The following AKAP12 variants were observed in gnomAD, a reference collection of about 807,000 sequenced individuals.
AKAP12 encodes A-kinase anchoring protein 12.
A neutral mutation model predicts 79.9 loss-of-function variants in AKAP12; 32 were observed. That is an observed-to-expected ratio of 0.40 (90% confidence interval 0.30 to 0.54). The LOEUF (loss-of-function observed/expected upper bound fraction) is 0.54. Ranked by LOEUF, AKAP12 falls within the 20% of genes least tolerant of loss-of-function variation. The pLI, the probability that AKAP12 is intolerant of heterozygous loss-of-function variation, is 0.48. For synonymous variants in AKAP12, 808 were observed against 857.0 expected (o/e 0.94, Z 1.00); for missense variants, 2,074 against 2,177.0 (o/e 0.95, Z 0.94).
At chr6:151,276,218 T>TA (rs145765726) in intron 2 of AKAP12, among the ~76,000 whole-genome samples, 6 of 151,726 alleles carry the variant, frequency 4.0e-5, no homozygotes, top group Admixed American at 6.6e-5. Flanking sequence ...GAACACCCTT[T>TA]AAAAAAAAAT....
intron 3 of AKAP12, chr6:151,326,014 A>C: frequency 7.8e-7 from 1 of 1,277,270 alleles, no homozygotes; most frequent in South Asian, 1.3e-5. Flanking sequence ...CGTTATTGGC[A>C]TTTATTTCTC....
intron 2 of AKAP12, among the ~76,000 whole-genome samples, chr6:151,269,509 C>T (rs1776131149): frequency 2.0e-5 from 3 of 152,080 alleles, no homozygotes; most frequent in Admixed American, 2.0e-4. Flanking sequence ...ATCTGATTTG[C>T]CATGACACTT....
Position 151,350,418 on chromosome 6 carries a change from C to T in AKAP12, c.2027C>T (p.Ser676Leu), listed in dbSNP as rs1001690285. 6.2e-7 allele frequency: 1 copy of T among 1,613,846 alleles called. No individual in the cohort carries two copies. Among genetic ancestry groups the T allele is most frequent in the African/African-American group, 1.3e-5 (1 of 74,940 alleles). ...PEEPKRKVDT[S>L]VSWEALICVG... ...GAACCAAAGCGCAAGGTGGATACCT[C>T]AGTATCTTGGGAAGCTTTAATTTGT... Residue 676 changes from serine to leucine, a missense_variant, in exon 4 of 5, where the codon TCA becomes TTA. Physicochemically the swap from Ser to Leu is moderately radical, Grantham distance 145 (BLOSUM62 -2). Around this residue, in one of 3 missense-constraint regions of AKAP12, gnomAD observed 1,428 missense variants for 1,451.0 expected, o/e 0.98. Transcript: ENST00000402676. This position sits in a 1 kb window ranked among gnomAD's most constrained non-coding sequence, Gnocchi z 4.8.
intron 2 of AKAP12, among the ~76,000 whole-genome samples, chr6:151,302,907 G>C (rs763600998): frequency 2.9e-4 from 44 of 152,290 alleles, no homozygotes; most frequent in Admixed American, 7.2e-4. Flanking sequence ...AGAATACTCT[G>C]ACATTTGGCT....
At chr6:151,348,185 G>A (rs547550452) in intron 3 of AKAP12, among the ~76,000 whole-genome samples, 4 of 151,718 alleles carry the variant, frequency 2.6e-5, no homozygotes, top group African/African-American at 7.3e-5. Context: ...AAATTAGCTG[G>A]GCATGGTGAC....
chr6:151,274,789 G>A (rs1438678959), intron 2 of AKAP12, among the ~76,000 whole-genome samples: 1 of 152,122 alleles, frequency 6.6e-6, no homozygotes, highest in Non-Finnish European at 1.5e-5. Flanking sequence ...AGAAACAGTA[G>A]TATAAAAATG....
chr6:151,345,930 T>A (rs868787617), intron 3 of AKAP12, among the ~76,000 whole-genome samples: 5,061 of 108,196 alleles, frequency 0.047, 102 homozygotes, highest in Non-Finnish European at 0.059. Flanking sequence ...TGTGTGTGTG[T>A]GTGAGAGAGA....
In AKAP12 at chr6:151,240,465, G is replaced by T; in HGVS notation, c.-98G>T. 7.9e-7 allele frequency: 1 copy of T among 1,271,976 alleles called. No homozygotes were observed. 78.8% of individuals were successfully genotyped at this position (1,271,976 alleles called of 1,614,324 possible). A position where few individuals can be genotyped will look rare whatever the true frequency, so the allele number is the denominator to read the frequency against. ...TGGCGGCGAAGGAAGGCGCTCTCGGGACCTCGCGGGCGCGCGTCTTTTGGC... is the reference window on the plus strand; with the variant it reads ...TGGCGGCGAAGGAAGGCGCTCTCGGTACCTCGCGGGCGCGCGTCTTTTGGC... On this transcript the variant is annotated 5_prime_UTR_variant, in exon 2 of 5. Transcript: ENST00000402676.
intron 3 of AKAP12, among the ~76,000 whole-genome samples, chr6:151,329,437 T>C (rs1777614307): frequency 6.6e-6 from 1 of 152,242 alleles, no homozygotes; most frequent in South Asian, 2.1e-4. Context: ...CAAGTATCTT[T>C]TCGCTTTTCT....
At chr6:151,345,882 GATGTGTGTGTAT>G (rs1444141542) in intron 3 of AKAP12, among the ~76,000 whole-genome samples, 14 of 130,528 alleles carry the variant, frequency 1.1e-4, no homozygotes, top group Admixed American at 4.3e-4. Context: ...ATATGTGAAG[GATGTGTGTGTAT>G]ATGTGTGTGT....
At position 151,278,328 on chromosome 6, in the gene AKAP12, G is replaced by A. The variant is rs561178472; in HGVS notation, c.163-27419G>A. On this transcript the variant is annotated intron_variant, in intron 2 of 4. Transcript: ENST00000402676. ...CCTCCTGGGTTCAAGCGATTATCCT[G>A]CCTTAGCCTCCCAAGTAGCTGGGAT... Among the ~76,000 whole-genome samples, 6 of 152,250 alleles carry A rather than the reference G, an allele frequency of 3.9e-5. No homozygotes were observed. In the East Asian group the frequency reaches 9.7e-4, roughly 25 times the overall value.
At chr6:151,341,982 G>T (rs1054922611) in intron 3 of AKAP12, among the ~76,000 whole-genome samples, 3 of 152,242 alleles carry the variant, frequency 2.0e-5, no homozygotes, top group Non-Finnish European at 2.9e-5. Flanking sequence ...TCTGGGTCCC[G>T]TGACAGGTGC....
At chr6:151,253,197 A>G (rs200114219) in intron 2 of AKAP12, among the ~76,000 whole-genome samples, 1 of 152,162 alleles carries the variant, frequency 6.6e-6, no homozygotes, top group Non-Finnish European at 1.5e-5. Context: ...TCTGTAAAGT[A>G]TATTTTGTTG....
chr6:151,324,931 T>A (rs1214982166), intron 3 of AKAP12: 1 of 985,324 alleles, frequency 1.0e-6, no homozygotes, highest in Non-Finnish European at 1.2e-6. Context: ...TGCTTGCATG[T>A]TAGAGATATG....
At chr6:151,305,377 A>C (rs1776956214) in intron 2 of AKAP12, among the ~76,000 whole-genome samples, 1 of 152,202 alleles carries the variant, frequency 6.6e-6, no homozygotes, top group Non-Finnish European at 1.5e-5. Context: ...TTTAAAGTAA[A>C]AAAGAGGTTT....
chr6:151,265,550 A>G (rs1437036860), intron 2 of AKAP12, among the ~76,000 whole-genome samples: 3 of 152,242 alleles, frequency 2.0e-5, no homozygotes, highest in African/African-American at 7.2e-5. Context: ...ACTGACTTCA[A>G]TCCAGTAGAT....
intron 2 of AKAP12, among the ~76,000 whole-genome samples, chr6:151,283,791 C>T (rs1776450315): frequency 6.6e-6 from 1 of 152,208 alleles, no homozygotes; most frequent in African/African-American, 2.4e-5. Context: ...GAAGCTGTCA[C>T]TGACATAACC....
At chr6:151,310,554 C>T (rs1777071910) in intron 3 of AKAP12, among the ~76,000 whole-genome samples, 1 of 152,052 alleles carries the variant, frequency 6.6e-6, no homozygotes, top group Admixed American at 6.6e-5. Context: ...GTGGCGAAAC[C>T]CTGTCTCTAT....
At chr6:151,292,484 G>A (rs1428444895) in intron 2 of AKAP12, among the ~76,000 whole-genome samples, 1 of 152,150 alleles carries the variant, frequency 6.6e-6, no homozygotes, top group African/African-American at 2.4e-5. Context: ...ACCCCTGTTG[G>A]TACCAAAATA....
Sources: gnomAD v4.1 joint callset for allele counts (sites outside exome capture counted in the v4.1 genomes callset) on GRCh38, gnomAD v4.1.1 for gene constraint, gnomAD v4.1.1 regional missense constraint, Gnocchi (gnomAD v3.1) non-coding constraint, MANE v1.5 for transcripts, NCBI Gene and HGNC (gene_info 2026-07-23, HGNC 2026-07-21) for gene names.